Variants in IQCM observed in about 807,000 individuals in gnomAD.
IQCM encodes IQ domain-containing protein M.
In IQCM, 45 loss-of-function variants were observed where a neutral mutation model predicts 57.6. That is an observed-to-expected ratio of 0.78 (90% CI 0.62 to 1.00). The LOEUF (loss-of-function observed/expected upper bound fraction) is 1.00, where lower values mean the gene tolerates loss of function less well. IQCM is among the 50% of genes least tolerant of loss of function. The pLI is 0.00. For synonymous variants in IQCM, 148 were observed against 158.9 expected, an observed-to-expected ratio of 0.93 and a Z score of 0.51; for missense variants, 468 against 511.6, an observed-to-expected ratio of 0.91 and a Z score of 0.82.
intron 12 of IQCM, among the ~76,000 whole-genome samples, chr4:149,517,513 T>C (rs1038384541): frequency 1.8e-4 from 28 of 152,208 alleles, no homozygotes; most frequent in African/African-American, 5.8e-4. Flanking sequence ...TTGAAGATTA[T>C]GTATGATCTC....
intron 12 of IQCM, among the ~76,000 whole-genome samples, chr4:149,526,855 A>C (rs978468870): frequency 6.6e-6 from 1 of 152,044 alleles, no homozygotes; most frequent in African/African-American, 2.4e-5. Context: ...TTTCCTATAT[A>C]TTTTGCTTAT....
chr4:149,725,462 T>G (rs1360800878), intron 5 of IQCM, among the ~76,000 whole-genome samples: 2 of 152,138 alleles, frequency 1.3e-5, no homozygotes, highest in African/African-American at 4.8e-5. Flanking sequence ...ATTGCAATTT[T>G]AATTCAAATA....
chr4:149,676,231 A>G (rs888158285), intron 7 of IQCM, among the ~76,000 whole-genome samples: 1 of 152,020 alleles, frequency 6.6e-6, no homozygotes, highest in Non-Finnish European at 1.5e-5. Flanking sequence ...GACTCCACGA[A>G]GGGCTACAGT....
rs1047422155 is a variant in IQCM at position 149,671,361 on chromosome 4, A to G, written c.565+10757T>C. Among the ~76,000 whole-genome samples the G allele has an allele frequency of 2.0e-5, 3 of 151,328 alleles. No homozygotes were observed. In the East Asian group the frequency reaches 5.9e-4, roughly 30 times the overall value. On this transcript the variant is annotated intron_variant, in intron 7 of 13. Coordinates refer to ENST00000636793, the MANE Select transcript of IQCM (RefSeq NM_001363507.2). ...TATCATTTTTTATTGTGTCTATTTGATTCTTTTCTCTTCTTTATTAGTCTT... is the reference window on the plus strand; with the variant it reads ...TATCATTTTTTATTGTGTCTATTTGGTTCTTTTCTCTTCTTTATTAGTCTT...
intron 12 of IQCM, among the ~76,000 whole-genome samples, chr4:149,536,306 CA>C (rs1366848619): frequency 2.0e-5 from 3 of 151,966 alleles, no homozygotes; most frequent in Non-Finnish European, 4.4e-5. Flanking sequence ...AATAAATGAT[CA>C]GACGTATTTT....
In IQCM at chr4:149,526,038, G is replaced by A. The variant is rs1746126435; in HGVS notation, c.1228+22417C>T. 1.3e-5 allele frequency among the ~76,000 whole-genome samples: 2 copies of A among 151,786 alleles called. 1 individual carries two copies. Among genetic ancestry groups the A allele is most frequent in the South Asian group, 4.1e-4 (2 of 4,828 alleles). On this transcript the variant is annotated intron_variant, in intron 12 of 13. Coordinates refer to ENST00000636793, the MANE Select transcript of IQCM (RefSeq NM_001363507.2). ...AAATCATTTCACACTCATCACATTG[G>A]CAAATACATCTACCATTGGGAATTT...
chr4:149,467,511 G>A (rs1490747636), intron 12 of IQCM, among the ~76,000 whole-genome samples: 1 of 152,172 alleles, frequency 6.6e-6, no homozygotes, highest in African/African-American at 2.4e-5. Context: ...TTGCTTGTAT[G>A]TTTTTCAGCT....
intron 7 of IQCM, among the ~76,000 whole-genome samples, chr4:149,675,243 T>C (rs1419520377): frequency 6.6e-6 from 1 of 151,962 alleles, no homozygotes; most frequent in African/African-American, 2.4e-5. Flanking sequence ...CAAGAATAGA[T>C]ACAAATCAAT....
intron 7 of IQCM, among the ~76,000 whole-genome samples, chr4:149,649,961 T>A (rs2150131695): frequency 6.6e-6 from 1 of 152,304 alleles, no homozygotes; most frequent in African/African-American, 2.4e-5. Flanking sequence ...TTAAAGATCG[T>A]TTCACAAGCC....
intron 2 of IQCM, among the ~76,000 whole-genome samples, chr4:149,757,619 G>A (rs879726004): frequency 1.6e-4 from 24 of 151,950 alleles, no homozygotes; most frequent in African/African-American, 3.1e-4. Context: ...AGACAACAAC[G>A]GGTCAAGAAG....
intron 7 of IQCM, among the ~76,000 whole-genome samples, chr4:149,670,488 G>T (rs1049146543): frequency 1.3e-5 from 2 of 152,080 alleles, no homozygotes; most frequent in East Asian, 3.9e-4. Context: ...CTGCCTGATT[G>T]CCCTGGCCAG....
chr4:149,688,785 C>A (rs1053037078), intron 5 of IQCM, among the ~76,000 whole-genome samples: 1 of 151,736 alleles, frequency 6.6e-6, no homozygotes, highest in African/African-American at 2.4e-5. Context: ...AAGAGAGAAC[C>A]CAGAAATAAA....
intron 8 of IQCM, among the ~76,000 whole-genome samples, chr4:149,604,750 C>A (rs976028894): frequency 6.6e-6 from 1 of 152,140 alleles, no homozygotes; most frequent in Non-Finnish European, 1.5e-5. Flanking sequence ...TGTTCAGTAA[C>A]AGATGTTTGC....
rs13140580 is a variant in IQCM at position 149,351,720 on chromosome 4, C to A, written c.*231G>T. On this transcript the variant is annotated 3_prime_UTR_variant, in exon 14 of 14. Coordinates refer to ENST00000636793, the MANE Select transcript of IQCM (RefSeq NM_001363507.2). The stretch of plus-strand genomic sequence containing the variant: ...TCTAATGAAAGGAGTACTTGACACT[C>A]TGCAGGTTTACTTCATTATGATAAA... Among the ~76,000 whole-genome samples the A allele has an allele frequency of 0.28, 42,880 of 151,996 alleles. 6,191 individuals carry two copies. The highest frequency in any genetic ancestry group is 0.33 in the Middle Eastern group (96 of 290).
intron 2 of IQCM, among the ~76,000 whole-genome samples, chr4:149,764,184 C>T (rs559950563): frequency 6.8e-4 from 104 of 152,076 alleles, no homozygotes; most frequent in Middle Eastern, 3.2e-3. Context: ...TCCGTCTAAC[C>T]TTGTCTTATT....
At chr4:149,600,097 G>A (rs555952769) in intron 8 of IQCM, among the ~76,000 whole-genome samples, 87 of 152,106 alleles carry the variant, frequency 5.7e-4, no homozygotes, top group African/African-American at 1.9e-3. Flanking sequence ...TTTAAAAATC[G>A]AATTAAATCC....
At chr4:149,607,944 A>C (rs891163877) in intron 8 of IQCM, among the ~76,000 whole-genome samples, 5 of 151,994 alleles carry the variant, frequency 3.3e-5, no homozygotes, top group Admixed American at 2.0e-4. Context: ...TTGAATGTAA[A>C]TGAACTAAAT....
intron 13 of IQCM, among the ~76,000 whole-genome samples, chr4:149,376,474 T>C (rs942795977): frequency 6.6e-6 from 1 of 152,166 alleles, no homozygotes; most frequent in African/African-American, 2.4e-5. Context: ...CAATTAGTTT[T>C]TTTTAAGGCA....
intron 12 of IQCM, among the ~76,000 whole-genome samples, chr4:149,495,882 G>A (rs1370470520): frequency 6.6e-6 from 1 of 152,128 alleles, no homozygotes; most frequent in East Asian, 1.9e-4. Context: ...TCCTAAGCTG[G>A]TAGAGTGTTT....
Sources: allele counts gnomAD v4.1 joint callset (sites outside exome capture counted in the v4.1 genomes callset), GRCh38; gene constraint gnomAD v4.1.1; transcripts MANE v1.5; gene names NCBI Gene and HGNC (gene_info 2026-07-23, HGNC 2026-07-21).